The following LAMB4 variants were observed in gnomAD, a reference collection of about 807,000 sequenced individuals.
LAMB4 encodes the protein laminin subunit beta-4.
LAMB4 carries 196 observed loss-of-function variants against 199.2 expected under a neutral mutation model. That is an observed-to-expected ratio of 0.98 (90% CI 0.88 to 1.11). The LOEUF (loss-of-function observed/expected upper bound fraction) is 1.11. LAMB4 is among the 50% of genes least tolerant of loss of function. LAMB4 has a pLI of 0.00. For synonymous variants in LAMB4, 744 were observed against 770.6 expected (o/e 0.97, Z 0.57); for missense variants, 2,080 against 2,171.2 (o/e 0.96, Z 0.83).
At chr7:108,033,597 C>A (rs554189732) in intron 31 of LAMB4, among the ~76,000 whole-genome samples, 7 of 151,896 alleles carry the variant, frequency 4.6e-5, no homozygotes, top group African/African-American at 1.7e-4. Flanking sequence ...TTCATAGAGA[C>A]GGGGTTTCAC....
At chr7:108,043,326 A>G (rs1038818304) in intron 29 of LAMB4, among the ~76,000 whole-genome samples, 14 of 152,262 alleles carry the variant, frequency 9.2e-5, no homozygotes, top group African/African-American at 3.4e-4. Flanking sequence ...CTTAAAAAAA[A>G]CATAAAATAA....
the LAMB4 span, among the ~76,000 whole-genome samples, chr7:108,016,837 C>T: frequency 6.6e-6 from 1 of 152,140 alleles, no homozygotes; most frequent in Non-Finnish European, 1.5e-5. Context: ...AATAACAGTA[C>T]TAAAGATTAG....
In LAMB4 at chr7:108,043,545, G is replaced by GTTTTTTTTTTTTT. The variant is rs748169558; in HGVS notation, c.4471+194_4471+206dup. Among the ~76,000 whole-genome samples the GTTTTTTTTTTTTT allele has an allele frequency of 3.9e-4, 22 of 55,956 alleles. 2 individuals are homozygous for GTTTTTTTTTTTTT. Among genetic ancestry groups the GTTTTTTTTTTTTT allele is most frequent in the African/African-American group, 5.8e-4 (4 of 6,850 alleles). 36.7% of individuals were successfully genotyped at this position (55,956 alleles called of 152,430 possible). A position where few individuals can be genotyped will look rare whatever the true frequency, so the allele number is the denominator to read the frequency against. On this transcript the variant is annotated intron_variant, in intron 29 of 33. Coordinates refer to ENST00000388781, the MANE Select transcript of LAMB4 (RefSeq NM_007356.3). ...AATATAATTTGGAACTGGCTATGAT[G>GTTTTTTTTTTTTT]TTTTTTTTTTTTTTTTTTTTTTTTT...
At chr7:108,052,789 T>C (rs895935731) in intron 25 of LAMB4, among the ~76,000 whole-genome samples, 8 of 152,204 alleles carry the variant, frequency 5.3e-5, no homozygotes, top group African/African-American at 1.7e-4. Context: ...AGTGTTCCCC[T>C]GGGTTTTTTT....
chr7:108,046,252 T>A (rs1303143025), intron 28 of LAMB4, among the ~76,000 whole-genome samples: 1 of 142,746 alleles, frequency 7.0e-6, no homozygotes, highest in Non-Finnish European at 1.5e-5. Flanking sequence ...TTTTTTTTTT[T>A]TTTGTATTTG....
At chr7:108,070,034 GA>G in intron 17 of LAMB4, 149 bp from the exon 18 acceptor site, 1 of 447,438 alleles carries the variant, frequency 2.2e-6, no homozygotes, top group Non-Finnish European at 3.8e-6. Context: ...AGACTTTAAA[GA>G]TTTTCAATTT....
chr7:108,130,267 A>C (rs1453358825), intron 1 of LAMB4, 39 bp downstream of exon 1: 1 of 152,176 alleles, frequency 6.6e-6, no homozygotes, highest in African/African-American at 2.4e-5. Flanking sequence ...TAATCCATAA[A>C]AATGCCAATT....
chr7:108,129,907 T>C (rs1208698986), intron 1 of LAMB4, among the ~76,000 whole-genome samples: 3 of 152,248 alleles, frequency 2.0e-5, no homozygotes, highest in Non-Finnish European at 4.4e-5. Flanking sequence ...ATTAACAAAA[T>C]ATTTTGAAAA....
At chr7:108,028,216 T>C (rs2034904952) in intron 33 of LAMB4, among the ~76,000 whole-genome samples, 2 of 152,216 alleles carry the variant, frequency 1.3e-5, no homozygotes, top group African/African-American at 4.8e-5. Context: ...TAGATTATAT[T>C]GATTCTTTTG....
intron 33 of LAMB4, among the ~76,000 whole-genome samples, chr7:108,025,797 G>T (rs116560698): frequency 0.022 from 3,352 of 152,260 alleles, 114 homozygotes; most frequent in African/African-American, 0.077. Flanking sequence ...TTGGACTAAA[G>T]GAATAATAAA....
chr7:108,049,371 T>G lies in LAMB4; in HGVS notation c.4077A>C (p.Arg1359Ser), dbSNP rs144794613. Reference sequence around the variant, plus strand: ...TATCTGGTATCTTAATCTGCTTTAATCTTTCCAATGACAAGTTTCCTTTTG... The same window carrying G: ...TATCTGGTATCTTAATCTGCTTTAAGCTTTCCAATGACAAGTTTCCTTTTG... ...LTSKGNLSLE[R>S]LKQIKIPDIQ... Residue 1359 changes from arginine (R) to serine (S), a missense_variant, in exon 27 of 34, where the codon AGA (arginine) becomes AGC (serine). By Grantham distance (110) the Arg-to-Ser change is moderately radical. Transcript: ENST00000388781. The G allele has an allele frequency of 2.5e-6, 4 of 1,587,642 alleles. No individual in the cohort carries two copies. Among genetic ancestry groups the G allele is most frequent in the Non-Finnish European group, 3.5e-6 (4 of 1,158,170 alleles).
Position 108,023,799 on chromosome 7 carries a change from T to C in LAMB4, c.*240A>G, listed in dbSNP as rs894865250. The stretch of plus-strand genomic sequence containing the variant: ...TTAAGTTAGGAAAGAGAAAGGAAGG[T>C]AAGAGGAAAAGTTTCTGAAACCAGA... On this transcript the variant is annotated 3_prime_UTR_variant, in exon 34 of 34. Coordinates refer to ENST00000388781, the MANE Select transcript of LAMB4 (RefSeq NM_007356.3). 1 of 305,700 alleles carries C rather than the reference T, an allele frequency of 3.3e-6. No individual in the cohort carries two copies. The highest frequency in any genetic ancestry group is 5.9e-6 in the Non-Finnish European group (1 of 168,416). The allele number at this position is 305,700 out of a possible 1,614,324, so 18.9% of individuals were successfully genotyped here.
At chr7:108,029,979 G>C (rs1016179694) in intron 32 of LAMB4, among the ~76,000 whole-genome samples, 1 of 152,038 alleles carries the variant, frequency 6.6e-6, no homozygotes, top group Non-Finnish European at 1.5e-5. Context: ...TTAGCTGGGC[G>C]TGGTGGCACG....
chr7:108,059,679 C>T (rs980599811), intron 23 of LAMB4, among the ~76,000 whole-genome samples: 1 of 152,174 alleles, frequency 6.6e-6, no homozygotes, highest in African/African-American at 2.4e-5. Context: ...GTTCAGGCGT[C>T]GCTTCTTTGG....
intron 25 of LAMB4, 62 bp downstream of exon 25, chr7:108,055,570 G>A: frequency 6.7e-7 from 1 of 1,496,004 alleles, no homozygotes; most frequent in Non-Finnish European, 9.1e-7. Flanking sequence ...CGATGTTAAA[G>A]CTTGGTGGGA....
intron 20 of LAMB4, 23 bp downstream of exon 20, chr7:108,066,346 T>C: frequency 6.4e-7 from 1 of 1,563,426 alleles, no homozygotes; most frequent in African/African-American, 1.4e-5. Context: ...ACCTAAAAAT[T>C]AAAGTGCATA....
intron 31 of LAMB4, among the ~76,000 whole-genome samples, chr7:108,033,025 ATG>A (rs890438417): frequency 1.3e-5 from 2 of 152,132 alleles, no homozygotes; most frequent in African/African-American, 4.8e-5. Context: ...TAATATTTTT[ATG>A]TGTTTTTTTC....
At chr7:108,092,557 T>C (rs1342993016) in intron 12 of LAMB4, 141 bp from the exon 13 acceptor site, 4 of 676,098 alleles carry the variant, frequency 5.9e-6, no homozygotes, top group Non-Finnish European at 1.1e-5. Context: ...CTTCCTGGCC[T>C]ATGCGCTTGG....
downstream of LAMB4, among the ~76,000 whole-genome samples, chr7:108,020,982 A>T (rs1276937141): frequency 6.6e-6 from 1 of 152,208 alleles, no homozygotes; most frequent in Non-Finnish European, 1.5e-5. Flanking sequence ...TGTGACTAGG[A>T]CCAGAGGGAC....
Sources: allele counts gnomAD v4.1 joint callset (sites outside exome capture counted in the v4.1 genomes callset), GRCh38; gene constraint gnomAD v4.1.1; transcripts MANE v1.5; gene names NCBI Gene and HGNC (gene_info 2026-07-23, HGNC 2026-07-21).